ADGRB3: variants seen among roughly 807,000 people sequenced by gnomAD.
ADGRB3 encodes the protein brain-specific angiogenesis inhibitor 3.
In ADGRB3, 37 loss-of-function variants were observed where a neutral mutation model predicts 193.4. The ratio of observed to expected loss-of-function variants is 0.19; its 90% CI spans 0.15 to 0.25. ADGRB3 has a LOEUF of 0.25. ADGRB3 is among the 10% of genes least tolerant of loss of function. ADGRB3 has a pLI of 1.00. For missense variants in ADGRB3, 1,637 were observed against 1,852.9 expected (o/e 0.88, Z 2.14); for synonymous variants, 690 against 644.2 (o/e 1.07, Z -1.08).
At chr6:68,674,019 A>G (rs1684332091) in intron 3 of ADGRB3, among the ~76,000 whole-genome samples, 1 of 152,180 alleles carries the variant, frequency 6.6e-6, no homozygotes, top group Non-Finnish European at 1.5e-5. Context: ...GACAGCCTTC[A>G]AAGTCCAAAG....
intron 17 of ADGRB3, among the ~76,000 whole-genome samples, chr6:69,159,752 A>G (rs913495329): frequency 5.9e-5 from 9 of 152,128 alleles, no homozygotes; most frequent in Non-Finnish European, 1.3e-4. Flanking sequence ...TCCAATTAAT[A>G]TCTATAGCAT....
At chr6:68,697,914 C>A (rs1423680757) in intron 3 of ADGRB3, among the ~76,000 whole-genome samples, 1 of 151,462 alleles carries the variant, frequency 6.6e-6, no homozygotes, top group African/African-American at 2.4e-5. Context: ...AATTATATTT[C>A]TTCATCTGTA....
rs562620114 is a variant in ADGRB3, at chr6:68,700,906, C to T, written c.757+61474C>T. 1.2e-3 allele frequency among the ~76,000 whole-genome samples: 179 copies of T among 151,850 alleles called. 1 individual carries two copies. Among genetic ancestry groups the T allele is most frequent in the Non-Finnish European group, 1.9e-3 (130 of 67,928 alleles). Reference sequence around the variant, plus strand: ...TAACGGGTGCAGCAAACCAACATGGCACATGTATACATATGTAACAAACCT... The same window carrying T: ...TAACGGGTGCAGCAAACCAACATGGTACATGTATACATATGTAACAAACCT... On this transcript the variant is annotated intron_variant, in intron 3 of 31. Transcript: ENST00000370598.
chr6:68,720,536 G>C (rs143442176), intron 3 of ADGRB3, among the ~76,000 whole-genome samples: 1 of 151,840 alleles, frequency 6.6e-6, no homozygotes, highest in African/African-American at 2.4e-5. Context: ...ATACAAGTGA[G>C]ATTAATTGAT....
At chr6:69,305,572 T>G (rs1768050983) in intron 20 of ADGRB3, among the ~76,000 whole-genome samples, 1 of 151,294 alleles carries the variant, frequency 6.6e-6, no homozygotes, top group Admixed American at 6.6e-5. Context: ...CTGGGACCAA[T>G]TAAGAGTAGT....
chr6:69,137,319 C>T (rs1166492644), intron 17 of ADGRB3, among the ~76,000 whole-genome samples: 5 of 151,748 alleles, frequency 3.3e-5, no homozygotes, highest in Non-Finnish European at 5.9e-5. Context: ...TAAATACCCC[C>T]ATCAGTTCAC....
chr6:68,703,601 G>T (rs922842026), intron 3 of ADGRB3, among the ~76,000 whole-genome samples: 1 of 151,808 alleles, frequency 6.6e-6, no homozygotes, highest in African/African-American at 2.4e-5. Flanking sequence ...TAAATAAAAA[G>T]AACCCCATTC....
chr6:68,978,461 A>T (rs1008924507), intron 10 of ADGRB3, among the ~76,000 whole-genome samples: 5 of 151,554 alleles, frequency 3.3e-5, no homozygotes, highest in Non-Finnish European at 7.4e-5. Flanking sequence ...ATGCATACAT[A>T]CACAAATCTA....
chr6:68,651,876 G>T (rs1323111237), intron 3 of ADGRB3, among the ~76,000 whole-genome samples: 1 of 152,044 alleles, frequency 6.6e-6, no homozygotes, highest in Non-Finnish European at 1.5e-5. Flanking sequence ...CCACATACAA[G>T]AAATTAATGT....
intron 17 of ADGRB3, among the ~76,000 whole-genome samples, chr6:69,170,439 G>T (rs1381010027): frequency 6.6e-6 from 1 of 152,128 alleles, no homozygotes; most frequent in Admixed American, 6.5e-5. Context: ...ATTATTTTCA[G>T]CCTTTCTTCT....
At chr6:68,645,733 C>T (rs992932632) in intron 3 of ADGRB3, among the ~76,000 whole-genome samples, 1 of 152,094 alleles carries the variant, frequency 6.6e-6, no homozygotes, top group Non-Finnish European at 1.5e-5. Context: ...AGTGCCATGG[C>T]GTGATCTAGG....
chr6:69,055,168 A>G (rs1771507944), intron 15 of ADGRB3, among the ~76,000 whole-genome samples: 1 of 152,192 alleles, frequency 6.6e-6, no homozygotes, highest in Non-Finnish European at 1.5e-5. Context: ...AAAACATAAA[A>G]TTTACCATAA....
chr6:68,882,890 T>TG (rs1582280767), intron 3 of ADGRB3, among the ~76,000 whole-genome samples: 2 of 152,080 alleles, frequency 1.3e-5, no homozygotes, highest in African/African-American at 2.4e-5. Flanking sequence ...ACTAGTTTTT[T>TG]TTTTGTTTTG....
At chr6:69,283,376 T>C (rs561190228) in intron 20 of ADGRB3, among the ~76,000 whole-genome samples, 22 of 152,220 alleles carry the variant, frequency 1.4e-4, no homozygotes, top group African/African-American at 4.1e-4. Context: ...TTCTCAAGGA[T>C]TGGAGAGGGA....
intron 11 of ADGRB3, among the ~76,000 whole-genome samples, chr6:68,995,127 A>T (rs1251336554): frequency 6.6e-6 from 1 of 152,202 alleles, no homozygotes; most frequent in South Asian, 2.1e-4. Context: ...CCTGGAGTGG[A>T]TGGAAGATTA....
At chr6:69,118,138 TC>T (rs1582473844) in intron 17 of ADGRB3, among the ~76,000 whole-genome samples, 1 of 152,192 alleles carries the variant, frequency 6.6e-6, no homozygotes, top group East Asian at 1.9e-4. Flanking sequence ...AGTAGCCGGT[TC>T]CCAGTTTCAT....
intron 17 of ADGRB3, among the ~76,000 whole-genome samples, chr6:69,076,354 T>A (rs1442290993): frequency 6.6e-6 from 1 of 152,106 alleles, no homozygotes; most frequent in Non-Finnish European, 1.5e-5. Context: ...TAACATCTTG[T>A]CCTAGTAATT....
chr6:68,783,297 T>TATATATATATATAACATACATATATATA (rs1766895467), intron 3 of ADGRB3, among the ~76,000 whole-genome samples: 1 of 146,718 alleles, frequency 6.8e-6, no homozygotes, highest in Admixed American at 6.9e-5. Flanking sequence ...CCTAAATATA[T>TATATATATATATAACATACATATATATA]ATATATATAT....
At chr6:68,733,726 A>G (rs1765819114) in intron 3 of ADGRB3, among the ~76,000 whole-genome samples, 1 of 150,918 alleles carries the variant, frequency 6.6e-6, no homozygotes, top group African/African-American at 2.5e-5. Context: ...AATAAGACCT[A>G]CTAGTTGATA....
Sources: allele counts gnomAD v4.1 joint callset (sites outside exome capture counted in the v4.1 genomes callset), GRCh38; gene constraint gnomAD v4.1.1; transcripts MANE v1.5; gene names NCBI Gene and HGNC (gene_info 2026-07-23, HGNC 2026-07-21).